The following LUZP2 variants were observed in gnomAD, a reference collection of about 807,000 sequenced individuals.
LUZP2 encodes the protein leucine zipper protein 2.
In LUZP2, 52 loss-of-function variants were observed where a neutral mutation model predicts 51.6. That is an observed-to-expected ratio of 1.01 (90% CI 0.81 to 1.27). LUZP2 has a LOEUF of 1.27. Ranked by LOEUF, LUZP2 falls within the 50% of genes most tolerant of loss-of-function variation. The pLI, the probability that LUZP2 is intolerant of heterozygous loss-of-function variation, is 0.00. For missense variants in LUZP2, 436 were observed against 395.4 expected, an observed-to-expected ratio of 1.10 and a Z score of -0.87; for synonymous variants, 154 against 137.3, an observed-to-expected ratio of 1.12 and a Z score of -0.85.
At chr11:24,903,194 A>G (rs963160426) in intron 5 of LUZP2, among the ~76,000 whole-genome samples, 4 of 152,196 alleles carry the variant, frequency 2.6e-5, no homozygotes. Context: ...GGGGATACAC[A>G]TCTCTTCAAA....
At chr11:24,971,752 C>T (rs1032987852) in intron 7 of LUZP2, among the ~76,000 whole-genome samples, 1 of 152,048 alleles carries the variant, frequency 6.6e-6, no homozygotes, top group Non-Finnish European at 1.5e-5. Flanking sequence ...ATCTGCAAGT[C>T]CTTTTATTAC....
At chr11:24,778,454 C>G (rs564445190) in intron 5 of LUZP2, among the ~76,000 whole-genome samples, 1 of 151,982 alleles carries the variant, frequency 6.6e-6, no homozygotes, top group Non-Finnish European at 1.5e-5. Flanking sequence ...AAAATTTATA[C>G]AATTTGTAAT....
At chr11:24,695,371 A>T (rs904769649) in intron 1 of LUZP2, among the ~76,000 whole-genome samples, 4 of 152,098 alleles carry the variant, frequency 2.6e-5, no homozygotes, top group African/African-American at 9.7e-5. Context: ...TATGAGATAC[A>T]GTGTGATGTT....
chr11:24,937,560 A>T (rs1444594049), intron 7 of LUZP2, among the ~76,000 whole-genome samples: 1 of 152,176 alleles, frequency 6.6e-6, no homozygotes. Context: ...TTACCAGCTT[A>T]CTTTTTTAGA....
At chr11:25,014,514 T>C (rs1192860311) in intron 9 of LUZP2, among the ~76,000 whole-genome samples, 3 of 152,234 alleles carry the variant, frequency 2.0e-5, no homozygotes, top group African/African-American at 4.8e-5. Context: ...TGATGAGCAT[T>C]TTTTCATGTG....
At chr11:24,781,600 A>G (rs1025529079) in intron 5 of LUZP2, among the ~76,000 whole-genome samples, 2 of 141,340 alleles carry the variant, frequency 1.4e-5, no homozygotes, top group Non-Finnish European at 3.1e-5. Flanking sequence ...TTTCATTTCC[A>G]TTACCATTTT....
chr11:24,878,587 T>C (rs1852352359), intron 5 of LUZP2, among the ~76,000 whole-genome samples: 1 of 152,148 alleles, frequency 6.6e-6, no homozygotes, highest in African/African-American at 2.4e-5. Context: ...TTAATATCTT[T>C]CCCTAAGTTT....
intron 1 of LUZP2, among the ~76,000 whole-genome samples, chr11:24,593,596 T>C (rs1288181693): frequency 6.6e-6 from 1 of 152,154 alleles, no homozygotes; most frequent in Non-Finnish European, 1.5e-5. Context: ...TCACATGTCC[T>C]GGCAACCCTC....
At chr11:24,928,987 T>C (rs528746207) in intron 7 of LUZP2, among the ~76,000 whole-genome samples, 2 of 152,180 alleles carry the variant, frequency 1.3e-5, no homozygotes, top group South Asian at 4.1e-4. Context: ...AATTTAAATA[T>C]TTCCTCTAGG....
chr11:25,025,256 A>G (rs2133980747), intron 9 of LUZP2, among the ~76,000 whole-genome samples: 1 of 152,224 alleles, frequency 6.6e-6, no homozygotes, highest in East Asian at 1.9e-4. Flanking sequence ...CATGTCTAAA[A>G]CACCAAAAGC....
At chr11:24,702,339 G>A (rs1342057610) in intron 1 of LUZP2, among the ~76,000 whole-genome samples, 4 of 151,836 alleles carry the variant, frequency 2.6e-5, no homozygotes, top group Non-Finnish European at 5.9e-5. Context: ...ACTGATCCTC[G>A]ACATAACCAA....
intron 4 of LUZP2, among the ~76,000 whole-genome samples, chr11:24,746,408 G>T (rs929756536): frequency 6.6e-6 from 1 of 152,164 alleles, no homozygotes; most frequent in Non-Finnish European, 1.5e-5. Context: ...TAGGGTTTCT[G>T]CTGAGAAATC....
intron 10 of LUZP2, among the ~76,000 whole-genome samples, chr11:25,063,633 C>T (rs1160987593): frequency 1.3e-5 from 2 of 151,842 alleles, no homozygotes; most frequent in African/African-American, 2.4e-5. Flanking sequence ...ATGTGGATGG[C>T]ATTGCATTAA....
intron 1 of LUZP2, among the ~76,000 whole-genome samples, chr11:24,549,018 T>A (rs1851644242): frequency 2.0e-5 from 3 of 152,050 alleles, no homozygotes; most frequent in African/African-American, 7.2e-5. Flanking sequence ...TTACAAAATT[T>A]GTTCTTCAAT....
chr11:24,811,871 T>A (rs964425145), intron 5 of LUZP2, among the ~76,000 whole-genome samples: 2 of 152,088 alleles, frequency 1.3e-5, no homozygotes, highest in African/African-American at 4.8e-5. Context: ...CTACCCTAGT[T>A]TTCAAAGGTC....
chr11:24,682,253 G>C (rs1856759148), intron 1 of LUZP2, among the ~76,000 whole-genome samples: 2 of 152,164 alleles, frequency 1.3e-5, no homozygotes, highest in East Asian at 3.9e-4. Context: ...CCAGCACTTT[G>C]GGAGACCTAG....
intron 5 of LUZP2, among the ~76,000 whole-genome samples, chr11:24,778,950 G>A (rs987863655): frequency 6.6e-6 from 1 of 152,094 alleles, no homozygotes; most frequent in Non-Finnish European, 1.5e-5. Flanking sequence ...CCAACTGAGT[G>A]GTCATTAGTA....
At chr11:24,870,474 CACACACACACACACAG>C (rs1049639395) in intron 5 of LUZP2, among the ~76,000 whole-genome samples, 18 of 19,908 alleles carry the variant, frequency 9.0e-4, no homozygotes, top group South Asian at 3.4e-3. Flanking sequence ...AGTTCCTACA[CACACACACACACACAG>C]ACACACACAC....
intron 9 of LUZP2, among the ~76,000 whole-genome samples, chr11:24,990,547 A>G (rs1435894501): frequency 6.6e-6 from 1 of 152,022 alleles, no homozygotes; most frequent in Non-Finnish European, 1.5e-5. Context: ...AGGTAAATGC[A>G]GAGATGAAGA....
Sources: allele counts gnomAD v4.1 joint callset (sites outside exome capture counted in the v4.1 genomes callset), GRCh38; gene constraint gnomAD v4.1.1; transcripts MANE v1.5; gene names NCBI Gene and HGNC (gene_info 2026-07-23, HGNC 2026-07-21).